Variants in SARS2 observed in about 807,000 individuals in gnomAD.
SARS2 encodes seryl-tRNA synthetase 2, mitochondrial.
Under a neutral mutation model 66.8 loss-of-function variants are expected in SARS2, and 52 were observed. The ratio of observed to expected loss-of-function variants is 0.78; its 90% CI spans 0.62 to 0.98. The LOEUF (loss-of-function observed/expected upper bound fraction) is 0.98. SARS2 is among the 50% of genes least tolerant of loss of function. The probability of loss-of-function intolerance (pLI) is 0.00; values close to 1 mark genes in which losing one functional copy is unlikely to be tolerated. For synonymous variants in SARS2, 306 were observed against 281.4 expected (o/e 1.09, Z -0.87); for missense variants, 673 against 706.3 (o/e 0.95, Z 0.53).
Position 38,926,301 on chromosome 19 carries a change from C to G in SARS2, c.268-1G>C. ...GCCTCAGCTCCTGCCATGTCGAGAT[C>G]TGGGGTGGATATAAGAGAAAAGGAG... On this transcript the variant is annotated splice_acceptor_variant, in intron 1 of 15. Coordinates refer to ENST00000221431, the MANE Select transcript of SARS2 (RefSeq NM_017827.4). LOFTEE classifies it high-confidence loss of function. 1.9e-6 allele frequency: 3 copies of G among 1,603,360 alleles called. No individual in the cohort carries two copies. The highest frequency in any genetic ancestry group is 2.5e-6 in the Non-Finnish European group (3 of 1,179,868).
At chr19:38,920,808 CACAGAG>C (rs1399313850) in intron 5 of SARS2, among the ~76,000 whole-genome samples, 2 of 151,856 alleles carry the variant, frequency 1.3e-5, no homozygotes, top group African/African-American at 4.8e-5. Context: ...CACACAGACA[CACAGAG>C]ACAGACACAT....
chr19:38,917,140 C>T (rs1052396453), intron 12 of SARS2, among the ~76,000 whole-genome samples: 4 of 151,372 alleles, frequency 2.6e-5, no homozygotes, highest in African/African-American at 4.9e-5. Flanking sequence ...TTTTAAAAAA[C>T]GTAAAGACGA....
rs151060566 is a variant in SARS2 at position 38,922,907 on chromosome 19, CT to C, written c.364-641del. Among the ~76,000 whole-genome samples, 347 of 143,320 alleles carry C rather than the reference CT, an allele frequency of 2.4e-3. 1 individual carries two copies. The highest frequency in any genetic ancestry group is 5.2e-3 in the African/African-American group (202 of 38,988). 94.0% of individuals were successfully genotyped at this position (143,320 alleles called of 152,430 possible). A position where few individuals can be genotyped will look rare whatever the true frequency, so the allele number is the denominator to read the frequency against. On this transcript the variant is annotated intron_variant, in intron 2 of 15. Transcript: ENST00000221431. ...TATAAATTACCCAGTCTCAGGTATT[CT>C]TTTTTTTTTTTTTGAGACGGAGTCT...
rs374199515 is a variant in SARS2, at chr19:38,918,718, A to G, written c.807+48T>C. The G allele has an allele frequency of 7.2e-4, 1,113 of 1,549,326 alleles. 1 individual carries two copies. The highest frequency in any genetic ancestry group is 8.9e-4 in the Non-Finnish European group (1,020 of 1,144,544). ...TTTCCCTGCCTCGGGCACCCACGGC[A>G]GGGCCTGACACCCAGGTGGGCGAGG... On this transcript the variant is annotated intron_variant, in intron 8 of 15. Coordinates refer to ENST00000221431, the MANE Select transcript of SARS2 (RefSeq NM_017827.4).
chr19:38,928,533 T>C (rs1941576514), intron 1 of SARS2, among the ~76,000 whole-genome samples: 1 of 150,936 alleles, frequency 6.6e-6, no homozygotes, highest in Non-Finnish European at 1.5e-5. Context: ...ATGAAACCGG[T>C]TTCAATTTTG....
chr19:38,930,746 G>A lies in SARS2; in HGVS notation c.-10C>T, dbSNP rs758783969. On this transcript the variant is annotated 5_prime_UTR_variant, in exon 1 of 16. Coordinates refer to ENST00000221431, the MANE Select transcript of SARS2 (RefSeq NM_017827.4). ...CCATGGACGCAGCCATCTTGGACCG[G>A]GAACAAGGCGGCACTTCGTCCCGCC... 6.5e-5 allele frequency: 104 copies of A among 1,612,168 alleles called. No individual in the cohort carries two copies. The South Asian group carries it at 1.0e-3, about 15-fold the overall frequency.
chr19:38,919,649 G>C (rs565563375), intron 7 of SARS2, 113 bp downstream of exon 7: 1 of 819,696 alleles, frequency 1.2e-6, no homozygotes. Flanking sequence ...TACACATGAA[G>C]CTCTGAGAGC....
intron 5 of SARS2, 101 bp downstream of exon 5, chr19:38,921,291 G>C: frequency 7.9e-7 from 1 of 1,261,114 alleles, no homozygotes; most frequent in Non-Finnish European, 1.1e-6. Flanking sequence ...GAGTTCTCCA[G>C]GCTCCAGACA....
Position 38,915,501 on chromosome 19 carries a change from G to T in SARS2, c.*105C>A. The T allele has an allele frequency of 1.4e-6, 2 of 1,401,070 alleles. No individual in the cohort carries two copies. The highest frequency in any genetic ancestry group is 2.0e-6 in the Non-Finnish European group (2 of 1,015,658). The allele number at this position is 1,401,070 out of a possible 1,614,324, so 86.8% of individuals were successfully genotyped here. ...GGCCCGGGCGTGGAGCTGACAGGAA[G>T]AACACAGATGTCAGGACGGGCTCAG... On this transcript the variant is annotated 3_prime_UTR_variant, in exon 16 of 16. Coordinates refer to ENST00000221431, the MANE Select transcript of SARS2 (RefSeq NM_017827.4).
intron 3 of SARS2, 85 bp downstream of exon 3, chr19:38,922,151 TTC>T (rs976921615): frequency 6.2e-7 from 1 of 1,603,014 alleles, no homozygotes; most frequent in Non-Finnish European, 8.5e-7. Flanking sequence ...TTGAGTTGTT[TTC>T]TGTTACAATA....
rs1414090062 is a variant in SARS2, at chr19:38,930,733, C to A, written c.4G>T (p.Ala2Ser). Reference protein sequence around the residue: MAASMARRLWPL... With the variant: MSASMARRLWPL... ...CACAAGCGCCGCGCCATGGACGCAGCCATCTTGGACCGGGAACAAGGCGGC... is the reference window on the plus strand; with the variant it reads ...CACAAGCGCCGCGCCATGGACGCAGACATCTTGGACCGGGAACAAGGCGGC... The change falls in exon 1 of 16, where the codon GCT becomes TCT. Residue 2 changes from alanine to serine, a missense_variant. Transcript: ENST00000221431. The A allele has an allele frequency of 1.9e-6, 3 of 1,613,052 alleles. No homozygotes were observed. Among genetic ancestry groups the A allele is most frequent in the Middle Eastern group, 1.7e-4 (1 of 6,014 alleles).
chr19:38,918,920 G>C (rs1443683480), intron 7 of SARS2, 107 bp from the exon 8 acceptor site: 3 of 1,162,526 alleles, frequency 2.6e-6, no homozygotes. Context: ...AGACGAAACT[G>C]AGGCAGGGGC....
At position 38,915,910 on chromosome 19, in the gene SARS2, TGA is replaced by T; in HGVS notation, c.1348-6_1348-5del. 5.0e-6 allele frequency: 8 copies of T among 1,613,612 alleles called. No homozygotes were observed. The highest frequency in any genetic ancestry group is 5.9e-6 in the Non-Finnish European group (7 of 1,179,942). On this transcript the variant is annotated splice_region_variant and splice_polypyrimidine_tract_variant and intron_variant, in intron 14 of 15. Transcript: ENST00000221431. The stretch of plus-strand genomic sequence containing the variant: ...CAGCACAGGCGGTGGCGTTCACCTG[TGA>T]GACAGCCATGCTCGGAACTGGCGCC...
chr19:38,930,243 G>T (rs765382846), intron 1 of SARS2: 5 of 585,580 alleles, frequency 8.5e-6, no homozygotes, highest in Non-Finnish European at 1.5e-5. Context: ...TGAAACAAGC[G>T]CATAATGGGT....
chr19:38,920,628 TACAGACACACAGAGACAGACACATAC>T (rs1229563799), intron 5 of SARS2, among the ~76,000 whole-genome samples: 20 of 145,546 alleles, frequency 1.4e-4, no homozygotes, highest in African/African-American at 5.2e-4. Flanking sequence ...CACACACATA[TACAGACACACAGAGACAGACACATAC>T]ACAGACACGC....
intron 2 of SARS2, among the ~76,000 whole-genome samples, chr19:38,923,517 C>T (rs1442725957): frequency 2.6e-5 from 4 of 150,986 alleles, no homozygotes; most frequent in African/African-American, 4.9e-5. Flanking sequence ...CCACCGCGCC[C>T]GGCCTCAGGT....
intron 5 of SARS2, 36 bp downstream of exon 5, chr19:38,921,356 G>C: frequency 6.2e-7 from 1 of 1,610,378 alleles, no homozygotes; most frequent in East Asian, 2.2e-5. Flanking sequence ...CCACACCGCA[G>C]GGCTTGTCAG....
chr19:38,918,398 C>T, intron 9 of SARS2, 24 bp downstream of exon 9: 1 of 1,594,844 alleles, frequency 6.3e-7, no homozygotes, highest in South Asian at 1.1e-5. Flanking sequence ...CCTGCTCCTC[C>T]CCACCACCCA....
intron 3 of SARS2, 146 bp downstream of exon 3, chr19:38,922,092 T>G: frequency 6.2e-7 from 1 of 1,602,536 alleles, no homozygotes; most frequent in Non-Finnish European, 8.5e-7. Context: ...AAGCCAGTTT[T>G]AGTTTCATGC....
Sources: gnomAD v4.1 joint callset for allele counts (sites outside exome capture counted in the v4.1 genomes callset) on GRCh38, gnomAD v4.1.1 for gene constraint, MANE v1.5 for transcripts, NCBI Gene and HGNC (gene_info 2026-07-23, HGNC 2026-07-21) for gene names.